TAFA1: variants seen among roughly 807,000 people sequenced by gnomAD.
The protein encoded by TAFA1 is chemokine-like protein TAFA-1.
TAFA1 carries 4 observed loss-of-function variants against 18.5 expected under a neutral mutation model. That is an observed-to-expected ratio of 0.22 (90% CI 0.11 to 0.49). The LOEUF (loss-of-function observed/expected upper bound fraction) is 0.49. TAFA1 is among the 20% of genes least tolerant of loss of function. TAFA1 has a pLI of 0.98. For missense variants in TAFA1, 147 were observed against 169.0 expected, an observed-to-expected ratio of 0.87 and a Z score of 0.72; for synonymous variants, 56 against 55.2, an observed-to-expected ratio of 1.01 and a Z score of -0.06.
chr3:68,353,785 C>T (rs1400639126), intron 2 of TAFA1, among the ~76,000 whole-genome samples: 2 of 151,956 alleles, frequency 1.3e-5, no homozygotes, highest in Non-Finnish European at 2.9e-5. Context: ...TGATGAACTC[C>T]GCAAGCAAAA....
At chr3:68,540,513 A>G (rs1511906) in intron 4 of TAFA1, among the ~76,000 whole-genome samples, 66,115 of 152,050 alleles carry the variant, frequency 0.43, 15,103 homozygotes, top group Middle Eastern at 0.51. Context: ...TGCCCTCACA[A>G]ATTGGTTTGT....
At chr3:68,216,629 A>G (rs1442361606) in intron 2 of TAFA1, among the ~76,000 whole-genome samples, 2 of 152,122 alleles carry the variant, frequency 1.3e-5, no homozygotes, top group Non-Finnish European at 2.9e-5. Flanking sequence ...AGTTTCCAAT[A>G]GTATGACTCA....
intron 2 of TAFA1, among the ~76,000 whole-genome samples, chr3:68,261,242 A>G (rs529527231): frequency 6.6e-6 from 1 of 152,268 alleles, no homozygotes; most frequent in South Asian, 2.1e-4. Context: ...TTAGAATGGC[A>G]ATCATTAAAA....
intron 2 of TAFA1, among the ~76,000 whole-genome samples, chr3:68,327,898 C>T (rs1332944015): frequency 2.0e-5 from 3 of 152,110 alleles, no homozygotes; most frequent in Non-Finnish European, 4.4e-5. Context: ...GTCTACAAAC[C>T]AGACACTCTC....
intron 2 of TAFA1, among the ~76,000 whole-genome samples, chr3:68,414,010 G>A (rs942798857): frequency 2.3e-4 from 35 of 152,114 alleles, no homozygotes; most frequent in African/African-American, 7.9e-4. Context: ...GAGAGAGAGA[G>A]TCATAACAAA....
At chr3:68,080,889 A>G (rs2064889545) in intron 2 of TAFA1, among the ~76,000 whole-genome samples, 1 of 152,106 alleles carries the variant, frequency 6.6e-6, no homozygotes, top group Admixed American at 6.5e-5. Flanking sequence ...GTTCTCCTGG[A>G]TAATATCCTG....
chr3:68,216,427 A>G lies in TAFA1; in HGVS notation c.119-200853A>G, dbSNP rs528798382. 5.9e-5 allele frequency among the ~76,000 whole-genome samples: 9 copies of G among 152,228 alleles called. No homozygotes were observed. In the South Asian group the frequency reaches 1.7e-3, roughly 28 times the overall value. On this transcript the variant is annotated intron_variant, in intron 2 of 4. Transcript: ENST00000478136. Reference sequence around the variant, plus strand: ...TCACTGAAGGCAGTGGGGGAAAACAATGCTGACTTTAGTAATTTTGGAAAT... The same window carrying G: ...TCACTGAAGGCAGTGGGGGAAAACAGTGCTGACTTTAGTAATTTTGGAAAT...
Position 68,452,391 on chromosome 3 carries a change from C to A in TAFA1, c.259+34971C>A, listed in dbSNP as rs115835797. 3.2e-3 allele frequency among the ~76,000 whole-genome samples: 487 copies of A among 151,934 alleles called. 4 individuals carry two copies. The highest frequency in any genetic ancestry group is 0.011 in the African/African-American group (459 of 41,434). On this transcript the variant is annotated intron_variant, in intron 3 of 4. Transcript: ENST00000478136. The stretch of plus-strand genomic sequence containing the variant: ...TACAACAATTAGCTGGGCGTTGTTG[C>A]AGGAACCTATGGTCCTAGCTACTCG...
intron 3 of TAFA1, among the ~76,000 whole-genome samples, chr3:68,536,396 T>C (rs761806365): frequency 1.7e-4 from 26 of 152,230 alleles, no homozygotes; most frequent in Non-Finnish European, 3.5e-4. Flanking sequence ...TTGGCTTCTT[T>C]GTGTTGTGAG....
intron 2 of TAFA1, among the ~76,000 whole-genome samples, chr3:68,309,304 T>C (rs1225697889): frequency 6.6e-6 from 1 of 152,198 alleles, no homozygotes; most frequent in Non-Finnish European, 1.5e-5. Flanking sequence ...TAATCAATTA[T>C]AATATGCCCA....
At chr3:68,392,661 C>T (rs2070287342) in intron 2 of TAFA1, among the ~76,000 whole-genome samples, 1 of 152,318 alleles carries the variant, frequency 6.6e-6, no homozygotes, top group African/African-American at 2.4e-5. Flanking sequence ...AACAGTCTCT[C>T]AGACCACAGT....
intron 2 of TAFA1, among the ~76,000 whole-genome samples, chr3:68,336,112 T>C (rs748849804): frequency 8.5e-5 from 13 of 152,236 alleles, no homozygotes; most frequent in Non-Finnish European, 1.3e-4. Context: ...TCTCTGATCA[T>C]TGGCTTTCTA....
chr3:68,179,915 A>T (rs944927562), intron 2 of TAFA1, among the ~76,000 whole-genome samples: 2 of 151,946 alleles, frequency 1.3e-5, no homozygotes, highest in African/African-American at 4.8e-5. Flanking sequence ...GAATGCAAAT[A>T]AATTATTAAT....
At chr3:68,443,146 A>G (rs952608698) in intron 3 of TAFA1, among the ~76,000 whole-genome samples, 8 of 152,098 alleles carry the variant, frequency 5.3e-5, no homozygotes, top group African/African-American at 1.9e-4. Context: ...ATACACTCAA[A>G]TTCCATTGGT....
intron 3 of TAFA1, among the ~76,000 whole-genome samples, chr3:68,524,679 G>GTTTTTGT (rs2073078990): frequency 6.7e-6 from 1 of 149,990 alleles, no homozygotes; most frequent in Admixed American, 6.6e-5. Context: ...TTTTGTTTTT[G>GTTTTTGT]TTTTTTTTTG....
intron 2 of TAFA1, among the ~76,000 whole-genome samples, chr3:68,152,151 A>G (rs571086522): frequency 6.6e-6 from 1 of 152,256 alleles, no homozygotes; most frequent in South Asian, 2.1e-4. Context: ...TCATTTCTAT[A>G]TGACACAGAG....
chr3:68,081,128 T>G (rs1052125890), intron 2 of TAFA1, among the ~76,000 whole-genome samples: 7 of 152,224 alleles, frequency 4.6e-5, no homozygotes. Flanking sequence ...TTCTGCATTC[T>G]TCACGTAGTT....
chr3:68,539,336 G>A (rs2073329366), intron 4 of TAFA1, among the ~76,000 whole-genome samples: 1 of 152,060 alleles, frequency 6.6e-6, no homozygotes, highest in Non-Finnish European at 1.5e-5. Context: ...GGGTTTTGGG[G>A]AGTGAATACA....
At chr3:68,201,650 C>A (rs917640320) in intron 2 of TAFA1, among the ~76,000 whole-genome samples, 1 of 151,692 alleles carries the variant, frequency 6.6e-6, no homozygotes, top group African/African-American at 2.4e-5. Flanking sequence ...TCCTTGGTAA[C>A]TTTCATGCAT....
Sources: gnomAD v4.1 joint callset for allele counts (sites outside exome capture counted in the v4.1 genomes callset) on GRCh38, gnomAD v4.1.1 for gene constraint, MANE v1.5 for transcripts, NCBI Gene and HGNC (gene_info 2026-07-23, HGNC 2026-07-21) for gene names.